The following CTNNA3 variants were observed in gnomAD, a reference collection of about 807,000 sequenced individuals.
CTNNA3 encodes the protein catenin alpha 3, also known as catenin alpha-3.
A neutral mutation model predicts 95.7 loss-of-function variants in CTNNA3; 76 were observed. The ratio of observed to expected loss-of-function variants is 0.79; its 90% confidence interval spans 0.66 to 0.96. The LOEUF (loss-of-function observed/expected upper bound fraction) is 0.96, where lower values mean the gene tolerates loss of function less well. Ranked by LOEUF, CTNNA3 falls within the 40% of genes least tolerant of loss-of-function variation. The pLI, the probability that CTNNA3 is intolerant of heterozygous loss-of-function variation, is 0.00. For missense variants in CTNNA3, 1,191 were observed against 1,089.8 expected (o/e 1.09, Z -1.31); for synonymous variants, 431 against 374.4 (o/e 1.15, Z -1.74).
At chr10:66,056,415 T>C (rs2080089113) in intron 15 of CTNNA3, among the ~76,000 whole-genome samples, 1 of 152,178 alleles carries the variant, frequency 6.6e-6, no homozygotes, top group Non-Finnish European at 1.5e-5. Flanking sequence ...TTTTAATGTG[T>C]TGTGAATTCT....
chr10:67,507,918 T>C (rs1262212337), intron 5 of CTNNA3, among the ~76,000 whole-genome samples: 9 of 152,198 alleles, frequency 5.9e-5, no homozygotes, highest in Admixed American at 5.9e-4. Context: ...AACAACTCAA[T>C]AGATGCAGAG....
intron 7 of CTNNA3, among the ~76,000 whole-genome samples, chr10:67,032,294 G>A (rs1853777335): frequency 6.6e-6 from 1 of 151,930 alleles, no homozygotes; most frequent in African/African-American, 2.4e-5. Flanking sequence ...CCAGAACAAG[G>A]GTTACCTATG....
chr10:67,409,350 G>A (rs964626108), intron 5 of CTNNA3, among the ~76,000 whole-genome samples: 1 of 152,158 alleles, frequency 6.6e-6, no homozygotes, highest in Non-Finnish European at 1.5e-5. Flanking sequence ...GCCCATCAAT[G>A]ATAGACTGGA....
At chr10:67,674,807 C>T (rs1840505822) in intron 1 of CTNNA3, among the ~76,000 whole-genome samples, 1 of 149,730 alleles carries the variant, frequency 6.7e-6, no homozygotes, top group African/African-American at 2.4e-5. Context: ...CATTTCCTTA[C>T]TGACTTCAAA....
intron 16 of CTNNA3, among the ~76,000 whole-genome samples, chr10:65,967,272 A>T (rs2077991829): frequency 6.6e-6 from 1 of 152,120 alleles, no homozygotes; most frequent in African/African-American, 2.4e-5. Context: ...CGTTAAAATA[A>T]TTTTTAGACA....
intron 15 of CTNNA3, among the ~76,000 whole-genome samples, chr10:65,990,083 G>A (rs2078509935): frequency 7.2e-6 from 1 of 138,992 alleles, no homozygotes; most frequent in African/African-American, 2.9e-5. Flanking sequence ...TAGTGTGTGT[G>A]TGTGTGTGTG....
chr10:67,690,939 C>T (rs1213716426), intron 1 of CTNNA3, among the ~76,000 whole-genome samples: 4 of 152,148 alleles, frequency 2.6e-5, no homozygotes, highest in South Asian at 2.1e-4. Context: ...CCTCTGATGC[C>T]GAGCCGAAGC....
At position 65,917,724 on chromosome 10, in the gene CTNNA3, A is replaced by C. The variant is rs992384931; in HGVS notation, c.*2606T>G. ...AAAAGGTACATAGGTGGATCACCAA[A>C]TTATCACTCTCATTAAGAAATTTCT... On this transcript the variant is annotated 3_prime_UTR_variant, in exon 18 of 18. Transcript: ENST00000433211. The C allele has an allele frequency of 6.6e-6, 1 of 152,208 alleles. No individual in the cohort carries two copies. The highest frequency in any genetic ancestry group is 2.4e-5 in the African/African-American group (1 of 41,452). The allele number at this position is 152,208 out of a possible 1,614,324, so 9.4% of individuals were successfully genotyped here.
chr10:67,037,137 T>C (rs1407750439), intron 7 of CTNNA3, among the ~76,000 whole-genome samples: 1 of 152,172 alleles, frequency 6.6e-6, no homozygotes, highest in Non-Finnish European at 1.5e-5. Context: ...ACTTTACATT[T>C]GACTCATTAA....
chr10:66,661,085 T>A (rs1048855617), intron 9 of CTNNA3, among the ~76,000 whole-genome samples: 11 of 152,134 alleles, frequency 7.2e-5, no homozygotes, highest in Non-Finnish European at 1.3e-4. Context: ...ATAAACCAAC[T>A]GAAATATATA....
At chr10:65,964,698 C>T (rs575965424) in intron 17 of CTNNA3, among the ~76,000 whole-genome samples, 1 of 152,054 alleles carries the variant, frequency 6.6e-6, no homozygotes, top group South Asian at 2.1e-4. Flanking sequence ...TTAGACCTTA[C>T]AAAGCACGAT....
chr10:66,683,957 T>C (rs1847157562), intron 9 of CTNNA3, among the ~76,000 whole-genome samples: 1 of 152,160 alleles, frequency 6.6e-6, no homozygotes, highest in Non-Finnish European at 1.5e-5. Context: ...ACCTACACAA[T>C]GACCTGATGT....
chr10:66,443,625 A>G (rs548604254), intron 11 of CTNNA3, among the ~76,000 whole-genome samples: 1 of 152,286 alleles, frequency 6.6e-6, no homozygotes, highest in East Asian at 1.9e-4. Flanking sequence ...TGTCTGTTAG[A>G]AGGAAAACTA....
chr10:66,544,620 A>T (rs1841981525), intron 10 of CTNNA3, among the ~76,000 whole-genome samples: 1 of 152,138 alleles, frequency 6.6e-6, no homozygotes, highest in African/African-American at 2.4e-5. Context: ...TTGTATGACC[A>T]TCTAGTCGTA....
chr10:67,502,257 G>A (rs1839257291), intron 5 of CTNNA3, among the ~76,000 whole-genome samples: 1 of 152,132 alleles, frequency 6.6e-6, no homozygotes, highest in Non-Finnish European at 1.5e-5. Flanking sequence ...TGTTTGCTGG[G>A]GGTCCACTCC....
intron 11 of CTNNA3, among the ~76,000 whole-genome samples, chr10:66,448,247 A>C (rs998021968): frequency 1.1e-4 from 17 of 152,208 alleles, no homozygotes; most frequent in African/African-American, 3.9e-4. Context: ...AACTAGTTCA[A>C]CCATTGTGGA....
intron 9 of CTNNA3, among the ~76,000 whole-genome samples, chr10:66,707,090 G>A (rs1447011674): frequency 6.6e-6 from 1 of 151,952 alleles, no homozygotes; most frequent in African/African-American, 2.4e-5. Flanking sequence ...TCCAATTTAA[G>A]CATTTAATGA....
At chr10:66,882,743 G>A (rs1844896241) in intron 7 of CTNNA3, among the ~76,000 whole-genome samples, 1 of 152,212 alleles carries the variant, frequency 6.6e-6, no homozygotes, top group South Asian at 2.1e-4. Flanking sequence ...CAGAACAAAT[G>A]AGTCAAATAT....
chr10:67,005,687 T>TTTTTTTTTTTTTTTG lies in CTNNA3; in HGVS notation c.1047+174629_1047+174630insCAAAAAAAAAAAAAA, dbSNP rs1554895951. Among the ~76,000 whole-genome samples, 33 of 102,322 alleles carry TTTTTTTTTTTTTTTG rather than the reference T, an allele frequency of 3.2e-4. 3 individuals carry two copies. The highest frequency in any genetic ancestry group is 9.6e-4 in the African/African-American group (31 of 32,448). 67.1% of individuals were successfully genotyped at this position (102,322 alleles called of 152,430 possible). On this transcript the variant is annotated intron_variant, in intron 7 of 17. Transcript: ENST00000433211. ...TTTTGTTTATTTTACTCCATCTTTTTTTTTTTTTTTTTTTTTGAGACGGAG... is the reference window on the plus strand; with the variant it reads ...TTTTGTTTATTTTACTCCATCTTTTTTTTTTTTTTTTTTTGTTTTTTTTTTTTTTTTGAGACGGAG...
Sources: allele counts gnomAD v4.1 joint callset (sites outside exome capture counted in the v4.1 genomes callset), GRCh38; gene constraint gnomAD v4.1.1; transcripts MANE v1.5; gene names NCBI Gene and HGNC (gene_info 2026-07-23, HGNC 2026-07-21).